LDHC: variants seen among roughly 807,000 people sequenced by gnomAD.
LDHC encodes the protein lactate dehydrogenase C, also known as L-lactate dehydrogenase C chain.
Under a neutral mutation model 30.2 loss-of-function variants are expected in LDHC, and 20 were observed. The observed-to-expected ratio is 0.66, with a 90% CI of 0.47 to 0.96. LDHC has a LOEUF of 0.96. Among genes scored for constraint, LDHC ranks in the 40% least tolerant of loss-of-function variants. The pLI, the probability that LDHC is intolerant of heterozygous loss-of-function variation, is 0.00. For missense variants in LDHC, 362 were observed against 394.9 expected, an observed-to-expected ratio of 0.92 and a Z score of 0.71; for synonymous variants, 139 against 132.7, an observed-to-expected ratio of 1.05 and a Z score of -0.32.
intron 5 of LDHC, among the ~76,000 whole-genome samples, chr11:18,436,650 C>T (rs937601707): frequency 6.6e-6 from 1 of 151,914 alleles, no homozygotes; most frequent in South Asian, 2.1e-4. Context: ...CCACACCCGA[C>T]TAATTTTGTA....
chr11:18,419,186 T>C (rs1867075325), intron 3 of LDHC, among the ~76,000 whole-genome samples: 1 of 152,194 alleles, frequency 6.6e-6, no homozygotes, highest in South Asian at 2.1e-4. Context: ...CTATTATACC[T>C]ACTCAACTCT....
chr11:18,431,680 G>A (rs1848268336), intron 4 of LDHC, among the ~76,000 whole-genome samples: 1 of 151,984 alleles, frequency 6.6e-6, no homozygotes, highest in Non-Finnish European at 1.5e-5. Flanking sequence ...ATGTTGCTGG[G>A]ACTGCAGGTG....
chr11:18,413,633 TTA>T (rs1396955960), intron 2 of LDHC, among the ~76,000 whole-genome samples: 1 of 151,956 alleles, frequency 6.6e-6, no homozygotes, highest in Non-Finnish European at 1.5e-5. Context: ...CAGCTAATTT[TTA>T]TATTTTTAGT....
In LDHC at chr11:18,429,868, C is replaced by T. The variant is rs1565051387; in HGVS notation, c.376C>T (p.His126Tyr). 6.2e-7 allele frequency: 1 copy of T among 1,611,560 alleles called. No individual in the cohort carries two copies. Among genetic ancestry groups the T allele is most frequent in the African/African-American group, 1.3e-5 (1 of 74,982 alleles). Residue 126 changes from histidine (H) to tyrosine (Y), a missense_variant, in exon 4 of 8, where the codon CAT (histidine) becomes TAT (tyrosine). By Grantham distance (83) the His-to-Tyr change is moderately conservative. Transcript: ENST00000541669. ...IMKSIIPAIV[H>Y]YSPDCKILVV... ...GAAATCAATCATTCCTGCCATAGTCCATTATAGTCCTGATTGTAAAATTCT... is the reference window on the plus strand; with the variant it reads ...GAAATCAATCATTCCTGCCATAGTCTATTATAGTCCTGATTGTAAAATTCT...
intron 3 of LDHC, among the ~76,000 whole-genome samples, chr11:18,420,036 A>C (rs1867089117): frequency 6.6e-6 from 1 of 152,192 alleles, no homozygotes; most frequent in Non-Finnish European, 1.5e-5. Flanking sequence ...GGTTGCAGTG[A>C]ACTGAGATGG....
At position 18,434,879 on chromosome 11, in the gene LDHC, T is replaced by A; in HGVS notation, c.558T>A (p.His186Gln). ...TGGGTGTCCACCCCACAAGCTGCCA[T>A]GGTTGGATTATTGGAGAACATGGTG... ...EKLGVHPTSC[H>Q]GWIIGEHGDS... Residue 186 changes from histidine to glutamine, a missense_variant, in exon 5 of 8, where the codon CAT (histidine) becomes CAA (glutamine). By Grantham distance (24) the His-to-Gln change is conservative (BLOSUM62 0). Transcript: ENST00000541669. 1 of 1,613,182 alleles carries A rather than the reference T, an allele frequency of 6.2e-7. No individual in the cohort carries two copies. Among genetic ancestry groups the A allele is most frequent in the Non-Finnish European group, 8.5e-7 (1 of 1,179,172 alleles).
intron 3 of LDHC, among the ~76,000 whole-genome samples, chr11:18,429,473 AG>A (rs1316791412): frequency 1.3e-5 from 2 of 152,132 alleles, no homozygotes; most frequent in East Asian, 3.8e-4. Flanking sequence ...TTCATAACAC[AG>A]GGGAATTTGG....
intron 3 of LDHC, among the ~76,000 whole-genome samples, chr11:18,424,849 A>G (rs1240066456): frequency 6.6e-6 from 1 of 152,114 alleles, no homozygotes; most frequent in Non-Finnish European, 1.5e-5. Flanking sequence ...CTCTACTAAA[A>G]ATACAAAAAT....
intron 3 of LDHC, among the ~76,000 whole-genome samples, chr11:18,424,309 G>C (rs925658230): frequency 1.3e-5 from 2 of 152,084 alleles, no homozygotes; most frequent in African/African-American, 4.8e-5. Flanking sequence ...TTGAACCCAG[G>C]AGGTGGAGGT....
At chr11:18,431,208 C>T (rs112410494) in intron 4 of LDHC, among the ~76,000 whole-genome samples, 22,624 of 151,828 alleles carry the variant, frequency 0.15, 1,851 homozygotes, top group African/African-American at 0.21. Flanking sequence ...CTGTAATCCC[C>T]GCAACACTTT....
At chr11:18,415,404 CA>C (rs1866992472) in intron 3 of LDHC, 103 bp downstream of exon 3, 1 of 621,742 alleles carries the variant, frequency 1.6e-6, no homozygotes, top group Non-Finnish European at 2.8e-6. Flanking sequence ...AGCACCATGC[CA>C]TTGGGCCATA....
chr11:18,448,627 C>G (rs970783726), intron 7 of LDHC, among the ~76,000 whole-genome samples: 22 of 152,280 alleles, frequency 1.4e-4, no homozygotes, highest in Non-Finnish European at 2.2e-4. Flanking sequence ...ACGTTACAAG[C>G]AGAGTCATTT....
Position 18,450,851 on chromosome 11 carries a change from C to T in LDHC, c.835-112C>T, listed in dbSNP as rs1424578216. The T allele has an allele frequency of 5.5e-6, 4 of 728,442 alleles. No individual in the cohort carries two copies. In the Admixed American group the frequency reaches 1.4e-4, roughly 25 times the overall value. 45.1% of individuals were successfully genotyped at this position (728,442 alleles called of 1,614,324 possible). A position where few individuals can be genotyped will look rare whatever the true frequency, so the allele number is the denominator to read the frequency against. On this transcript the variant is annotated intron_variant, in intron 7 of 7. Coordinates refer to ENST00000541669, the MANE Select transcript of LDHC (RefSeq NM_017448.5). ...GACCATCACTCTGCCACCCTCTGAGCGATTCTTGTTGAATGCTTTAGTCTC... is the reference window on the plus strand; with the variant it reads ...GACCATCACTCTGCCACCCTCTGAGTGATTCTTGTTGAATGCTTTAGTCTC...
At chr11:18,428,224 T>G (rs1475387758) in intron 3 of LDHC, among the ~76,000 whole-genome samples, 60 of 135,942 alleles carry the variant, frequency 4.4e-4, no homozygotes, top group African/African-American at 1.5e-3. Flanking sequence ...CAGGCTGGAG[T>G]GCAGTGGCAT....
intron 5 of LDHC, among the ~76,000 whole-genome samples, chr11:18,436,756 G>A (rs980434698): frequency 6.6e-6 from 1 of 152,016 alleles, no homozygotes; most frequent in African/African-American, 2.4e-5. Context: ...AAAGTGCTGG[G>A]ATTATAGGCA....
At position 18,415,173 on chromosome 11, in the gene LDHC, G is replaced by T. The variant is rs774208216; in HGVS notation, c.127-11G>T. The T allele has an allele frequency of 2.0e-6, 3 of 1,495,242 alleles. No individual in the cohort carries two copies. The African/African-American group carries it at 4.2e-5, about 21-fold the overall frequency. The allele number at this position is 1,495,242 out of a possible 1,614,324, so 92.6% of individuals were successfully genotyped here. ...TAGGAACATTTTATTCAGAACTTTT[G>T]TATATTTTAGGATTTGGCTGATGAA... On this transcript the variant is annotated splice_polypyrimidine_tract_variant and intron_variant, in intron 2 of 7. Coordinates refer to ENST00000541669, the MANE Select transcript of LDHC (RefSeq NM_017448.5).
intron 6 of LDHC, 29 bp downstream of exon 6, chr11:18,438,674 C>A: frequency 9.0e-7 from 1 of 1,111,914 alleles, no homozygotes. Flanking sequence ...TTTCTTAATG[C>A]CTTAATAGTC....
At chr11:18,438,466 G>A in intron 5 of LDHC, 62 bp from the exon 6 acceptor site, 1 of 1,063,816 alleles carries the variant, frequency 9.4e-7, no homozygotes, top group East Asian at 2.4e-5. Context: ...AAACAACACT[G>A]AACTCAAACT....
At chr11:18,445,628 C>T (rs187018204) in intron 6 of LDHC, among the ~76,000 whole-genome samples, 215 of 152,118 alleles carry the variant, frequency 1.4e-3, no homozygotes, top group African/African-American at 4.8e-3. Flanking sequence ...GCACATTTGT[C>T]CTAGTATTCT....
Sources: allele counts gnomAD v4.1 joint callset (sites outside exome capture counted in the v4.1 genomes callset), GRCh38; gene constraint gnomAD v4.1.1; transcripts MANE v1.5; gene names NCBI Gene and HGNC (gene_info 2026-07-23, HGNC 2026-07-21).